The following COL11A1 variants were observed in gnomAD, a reference collection of about 807,000 sequenced individuals.
COL11A1 encodes the protein collagen type XI alpha 1 chain, also known as collagen alpha-1(XI) chain.
In COL11A1, 74 loss-of-function variants were observed where a neutral mutation model predicts 265.2. The observed-to-expected ratio is 0.28, with a 90% CI of 0.23 to 0.34. The LOEUF (loss-of-function observed/expected upper bound fraction) is 0.34, where lower values mean the gene tolerates loss of function less well. Among genes scored for constraint, COL11A1 ranks in the 10% least tolerant of loss-of-function variants. The pLI is 1.00. For missense variants in COL11A1, 2,165 were observed against 2,263.6 expected (o/e 0.96, Z 0.88); for synonymous variants, 816 against 727.6 (o/e 1.12, Z -1.96).
chr1:103,108,463 A>AG lies in COL11A1; in HGVS notation c.-286dup. ...CCTGCCTTCAGAATGAAGGCAGATGAGGGGCTTCCACCAACAAGCTGAGAG... is the reference window on the plus strand; with the variant it reads ...CCTGCCTTCAGAATGAAGGCAGATGAGGGGGCTTCCACCAACAAGCTGAGAG... On this transcript the variant is annotated 5_prime_UTR_variant, in exon 1 of 67. An upstream open reading frame in the 5' UTR loses its in-frame stop. Transcript: ENST00000370096. 1.7e-6 allele frequency: 1 copy of AG among 596,052 alleles called. No individual in the cohort carries two copies. The highest frequency in any genetic ancestry group is 2.1e-5 in the South Asian group (1 of 48,558). 36.9% of individuals were successfully genotyped at this position (596,052 alleles called of 1,614,324 possible). A position where few individuals can be genotyped will look rare whatever the true frequency, so the allele number is the denominator to read the frequency against.
intron 41 of COL11A1, among the ~76,000 whole-genome samples, chr1:102,947,368 A>T (rs2622862): frequency 0.95 from 144,333 of 152,178 alleles, 68,604 homozygotes; most frequent in East Asian, 1. Context: ...TTCTTGAAGT[A>T]ATTTCTAGGC....
At position 103,021,902 on chromosome 1, in the gene COL11A1, C is replaced by G; in HGVS notation, c.1246-133G>C. 3 of 700,400 alleles carry G rather than the reference C, an allele frequency of 4.3e-6. No homozygotes were observed. In the Admixed American group the frequency reaches 7.0e-5, roughly 16 times the overall value. The allele number at this position is 700,400 out of a possible 1,614,324, so 43.4% of individuals were successfully genotyped here. ...TCCCTCTGTTGCCCAGGTTAGAGTG[C>G]AGTGGCTCGATCTCCGCTCACTGCA... On this transcript the variant is annotated intron_variant, in intron 8 of 66. Coordinates refer to ENST00000370096, the MANE Select transcript of COL11A1 (RefSeq NM_001854.4).
chr1:103,021,760 G>T lies in COL11A1; in HGVS notation c.1255C>A (p.His419Asn). 6.2e-7 allele frequency: 1 copy of T among 1,609,834 alleles called. No homozygotes were observed. The highest frequency in any genetic ancestry group is 8.5e-7 in the Non-Finnish European group (1 of 1,176,346). The change falls in exon 9 of 67, where the codon CAT (histidine) becomes AAT (asparagine). Residue 419 changes from histidine to asparagine, a missense_variant. By Grantham distance (68) the His-to-Asn change is moderately conservative. Coordinates refer to ENST00000370096, the MANE Select transcript of COL11A1 (RefSeq NM_001854.4). ...TGTCCTTTCTCTCCATATGCACCAT[G>T]GCCATTTATCTGTTGAATGAAATAT... Reference protein sequence around the residue: ...TDITETSINGHGAYGEKGQKG... With the variant: ...TDITETSINGNGAYGEKGQKG...
chr1:103,003,264 G>T lies in COL11A1; in HGVS notation c.1949C>A (p.Pro650Gln). 6.2e-7 allele frequency: 1 copy of T among 1,612,604 alleles called. No homozygotes were observed. The highest frequency in any genetic ancestry group is 8.5e-7 in the Non-Finnish European group (1 of 1,179,612). Residue 650 changes from proline (P) to glutamine (Q), a missense_variant, in exon 21 of 67, where the codon CCA becomes CAA. Physicochemically the swap from Pro to Gln is moderately conservative, Grantham distance 76. Coordinates refer to ENST00000370096, the MANE Select transcript of COL11A1 (RefSeq NM_001854.4). The part of the protein sequence containing the change: ...GPRGLPGEAG[P>Q]RGLLGPRGTP... ...TCCCCTTGGACCCAGCAAACCTCGT[G>T]GGCCCTAGGAGAAAAAGAAAAAGCA...
chr1:102,996,875 C>T (rs1013657824), intron 26 of COL11A1, among the ~76,000 whole-genome samples: 2 of 151,720 alleles, frequency 1.3e-5, no homozygotes, highest in Non-Finnish European at 2.9e-5. Context: ...GCACGTATTC[C>T]TAGCCATGGG....
intron 20 of COL11A1, 94 bp from the exon 21 acceptor site, chr1:103,003,362 G>T: frequency 2.3e-6 from 3 of 1,302,368 alleles, no homozygotes; most frequent in Non-Finnish European, 3.2e-6. Context: ...GTTATTTTTA[G>T]AATAAAAATA....
intron 1 of COL11A1, among the ~76,000 whole-genome samples, chr1:103,094,954 G>A (rs1218078296): frequency 2.0e-5 from 3 of 151,864 alleles, no homozygotes; most frequent in Non-Finnish European, 4.4e-5. Context: ...CTTTGATTAA[G>A]GGCAATACTA....
At chr1:102,953,855 A>G (rs181088596) in intron 41 of COL11A1, among the ~76,000 whole-genome samples, 6 of 152,300 alleles carry the variant, frequency 3.9e-5, no homozygotes, top group Admixed American at 1.3e-4. Context: ...TCTCTGTAAG[A>G]AGGATAGATA....
At chr1:102,960,472 C>A (rs929826896) in intron 41 of COL11A1, among the ~76,000 whole-genome samples, 1 of 61,282 alleles carries the variant, frequency 1.6e-5, no homozygotes, top group Non-Finnish European at 4.4e-5. Flanking sequence ...TAATAAAGGT[C>A]ACTGGGTGTG....
At chr1:102,878,829 TC>T (rs1398766761) in intron 66 of COL11A1, among the ~76,000 whole-genome samples, 2 of 152,052 alleles carry the variant, frequency 1.3e-5, no homozygotes, top group Non-Finnish European at 2.9e-5. Flanking sequence ...AAATAATACA[TC>T]TTTACCATTA....
At chr1:102,990,877 A>G (rs960548710) in intron 28 of COL11A1, among the ~76,000 whole-genome samples, 6 of 151,992 alleles carry the variant, frequency 3.9e-5, no homozygotes, top group African/African-American at 1.4e-4. Context: ...TACTAAAAAT[A>G]GAAAAATTAG....
At chr1:102,962,585 AG>A (rs1661022235) in intron 39 of COL11A1, 67 bp downstream of exon 39, 11 of 1,298,852 alleles carry the variant, frequency 8.5e-6, no homozygotes, top group Non-Finnish European at 1.2e-5. Context: ...TCTGTAGACA[AG>A]GGGTGAGTAT....
At chr1:102,920,714 AATT>A (rs1655890594) in intron 48 of COL11A1, among the ~76,000 whole-genome samples, 1 of 152,190 alleles carries the variant, frequency 6.6e-6, no homozygotes, top group African/African-American at 2.4e-5. Context: ...ACTGGTTAAG[AATT>A]ACATAATCCA....
At chr1:103,097,078 A>G (rs1415360) in intron 1 of COL11A1, among the ~76,000 whole-genome samples, 150,969 of 152,106 alleles carry the variant, frequency 0.99, 74,931 homozygotes, top group East Asian at 1. Context: ...AGAAAAAACA[A>G]CATGGCCCCA....
At chr1:102,962,606 T>G (rs1661024325) in intron 39 of COL11A1, 47 bp downstream of exon 39, 1 of 1,517,556 alleles carries the variant, frequency 6.6e-7, no homozygotes, top group African/African-American at 1.4e-5. Flanking sequence ...TAGTTAAACA[T>G]AAATTAAAGT....
intron 41 of COL11A1, among the ~76,000 whole-genome samples, chr1:102,951,018 T>A (rs1022598295): frequency 6.6e-6 from 1 of 152,170 alleles, no homozygotes; most frequent in African/African-American, 2.4e-5. Flanking sequence ...ACCATGATTG[T>A]AAGTTTCCCG....
In COL11A1 at chr1:102,913,773, G is replaced by A. The variant is rs1005020865; in HGVS notation, c.3979-83C>T. On this transcript the variant is annotated intron_variant, in intron 52 of 66. Transcript: ENST00000370096. ...ACTTATCAGGAAAAAAGTATGTTAG[G>A]CCATCTCTTGAGAAAAATTATCAGA... 3.9e-5 allele frequency: 47 copies of A among 1,207,058 alleles called. No individual in the cohort carries two copies. The Admixed American group carries it at 8.1e-4, about 21-fold the overall frequency. The allele number at this position is 1,207,058 out of a possible 1,614,324, so 74.8% of individuals were successfully genotyped here. A position where few individuals can be genotyped will look rare whatever the true frequency, so the allele number is the denominator to read the frequency against.
chr1:103,081,830 T>C (rs183952218), intron 2 of COL11A1, among the ~76,000 whole-genome samples: 34 of 152,060 alleles, frequency 2.2e-4, no homozygotes, highest in Non-Finnish European at 4.0e-4. Context: ...GACCATTTGA[T>C]GACATATAAA....
intron 4 of COL11A1, among the ~76,000 whole-genome samples, chr1:103,045,417 A>G (rs898241546): frequency 1.3e-5 from 2 of 152,136 alleles, no homozygotes; most frequent in Admixed American, 1.3e-4. Context: ...GGCTCTTGCA[A>G]TTATCCAAGG....
Sources: gnomAD v4.1 joint callset for allele counts (sites outside exome capture counted in the v4.1 genomes callset) on GRCh38, gnomAD v4.1.1 for gene constraint, MANE v1.5 for transcripts, NCBI Gene and HGNC (gene_info 2026-07-23, HGNC 2026-07-21) for gene names.